Variants in TMEM150C observed in about 807,000 individuals in gnomAD.
The protein encoded by TMEM150C is transmembrane protein 150C, also known as tentonin 3.
A neutral mutation model predicts 29.9 loss-of-function variants in TMEM150C; 10 were observed. The observed-to-expected ratio is 0.33, with a 90% CI of 0.21 to 0.57. TMEM150C has a LOEUF of 0.57. Ranked by LOEUF, TMEM150C falls within the 20% of genes least tolerant of loss-of-function variation. The pLI, the probability that TMEM150C is intolerant of heterozygous loss-of-function variation, is 0.88. For synonymous variants in TMEM150C, 101 were observed against 112.5 expected (o/e 0.90, Z 0.64); for missense variants, 251 against 303.6 (o/e 0.83, Z 1.29).
At chr4:82,495,318 G>T in intron 6 of TMEM150C, 1 of 207,538 alleles carries the variant, frequency 4.8e-6, no homozygotes, top group Non-Finnish European at 9.6e-6. Context: ...GGCATTCCCC[G>T]TGGTCCCAGC....
chr4:82,487,815 CT>C (rs1723210229), intron 7 of TMEM150C, among the ~76,000 whole-genome samples: 1 of 151,928 alleles, frequency 6.6e-6, no homozygotes, highest in African/African-American at 2.4e-5. Flanking sequence ...ATATTTTATT[CT>C]TTCCCCCCCT....
chr4:82,549,254 T>A (rs1457825947), intron 1 of TMEM150C, among the ~76,000 whole-genome samples: 1 of 152,236 alleles, frequency 6.6e-6, no homozygotes, highest in Non-Finnish European at 1.5e-5. Flanking sequence ...AAATGTGGTA[T>A]ATATACTATG....
At chr4:82,524,533 G>GTAAT (rs532966138) in intron 1 of TMEM150C, among the ~76,000 whole-genome samples, 130 of 152,226 alleles carry the variant, frequency 8.5e-4, no homozygotes, top group Middle Eastern at 3.4e-3. Context: ...AATTACTCAA[G>GTAAT]TAATTGTCTT....
intron 1 of TMEM150C, among the ~76,000 whole-genome samples, chr4:82,541,177 G>T (rs1030731399): frequency 2.6e-5 from 4 of 152,060 alleles, no homozygotes; most frequent in African/African-American, 9.7e-5. Flanking sequence ...CCTTAGTAAG[G>T]ATAAGTTATA....
intron 1 of TMEM150C, among the ~76,000 whole-genome samples, chr4:82,520,941 CCTCT>C (rs1270938143): frequency 6.6e-6 from 1 of 152,194 alleles, no homozygotes; most frequent in Non-Finnish European, 1.5e-5. Context: ...ACCGTCCCTT[CCTCT>C]CTGACTTTAC....
chr4:82,518,270 C>G (rs1315805843), intron 1 of TMEM150C, among the ~76,000 whole-genome samples: 5 of 151,364 alleles, frequency 3.3e-5, no homozygotes, highest in Non-Finnish European at 7.4e-5. Flanking sequence ...GAGCCGAGAT[C>G]AAGCAACTCC....
intron 6 of TMEM150C, chr4:82,494,741 G>T (rs528563782): frequency 1.3e-5 from 3 of 237,040 alleles, no homozygotes; most frequent in Non-Finnish European, 2.5e-5. Flanking sequence ...TAGAAAGGCT[G>T]AACTCTGGAG....
chr4:82,505,877 T>G (rs1203448711), intron 1 of TMEM150C, among the ~76,000 whole-genome samples: 6 of 152,172 alleles, frequency 3.9e-5, no homozygotes, highest in Admixed American at 3.9e-4. Context: ...AACTATCACT[T>G]TATGCCTTAA....
chr4:82,500,942 A>G (rs571466167), intron 5 of TMEM150C, among the ~76,000 whole-genome samples: 1 of 152,336 alleles, frequency 6.6e-6, no homozygotes, highest in Admixed American at 6.5e-5. Flanking sequence ...TGTTCCTGGA[A>G]TAGAAATGAT....
At chr4:82,521,129 C>T (rs910863804) in intron 1 of TMEM150C, among the ~76,000 whole-genome samples, 1 of 152,184 alleles carries the variant, frequency 6.6e-6, no homozygotes, top group Non-Finnish European at 1.5e-5. Flanking sequence ...TTGGTGAGGC[C>T]TTCCCTGAGC....
rs1269220622 is a variant in TMEM150C, at chr4:82,483,907, C to T, written c.*1604G>A. 5.3e-5 allele frequency: 8 copies of T among 151,546 alleles called. No homozygotes were observed. Among genetic ancestry groups the T allele is most frequent in the African/African-American group, 1.7e-4 (7 of 41,160 alleles). 9.4% of individuals were successfully genotyped at this position (151,546 alleles called of 1,614,324 possible). A position where few individuals can be genotyped will look rare whatever the true frequency, so the allele number is the denominator to read the frequency against. On this transcript the variant is annotated 3_prime_UTR_variant, in exon 8 of 8. Coordinates refer to ENST00000449862, the MANE Select transcript of TMEM150C (RefSeq NM_001080506.3). ...CGGGTTCAAGTGATTCTCCTGCCTC[C>T]GCCTCCTGAGTAGCCGGGATTACAG...
intron 1 of TMEM150C, among the ~76,000 whole-genome samples, chr4:82,512,247 T>C (rs576346665): frequency 5.7e-4 from 87 of 152,146 alleles, no homozygotes; most frequent in Admixed American, 1.3e-4. Flanking sequence ...AGCCATAATG[T>C]AACCACGAGA....
intron 6 of TMEM150C, among the ~76,000 whole-genome samples, chr4:82,491,938 T>G (rs1048547976): frequency 5.6e-4 from 53 of 94,046 alleles, no homozygotes; most frequent in Non-Finnish European, 7.8e-4. Context: ...TAATTCTTGT[T>G]TTTTTTTTTG....
At chr4:82,548,725 A>G (rs1199914904) in intron 1 of TMEM150C, among the ~76,000 whole-genome samples, 1 of 152,210 alleles carries the variant, frequency 6.6e-6, no homozygotes, top group Non-Finnish European at 1.5e-5. Flanking sequence ...GAGGAAACTA[A>G]CCCAGCACTG....
intron 5 of TMEM150C, among the ~76,000 whole-genome samples, chr4:82,499,092 A>T (rs1723646575): frequency 6.6e-6 from 1 of 152,180 alleles, no homozygotes; most frequent in South Asian, 2.1e-4. Flanking sequence ...GATCTAATAA[A>T]AGATTCTGCC....
At chr4:82,523,246 C>T (rs1473769217) in intron 1 of TMEM150C, among the ~76,000 whole-genome samples, 1 of 152,000 alleles carries the variant, frequency 6.6e-6, no homozygotes, top group African/African-American at 2.4e-5. Flanking sequence ...GGGGGGTGCT[C>T]CAAAACCAAA....
At chr4:82,524,966 C>T (rs561592268) in intron 1 of TMEM150C, among the ~76,000 whole-genome samples, 10 of 152,190 alleles carry the variant, frequency 6.6e-5, no homozygotes, top group Middle Eastern at 3.4e-3. Context: ...GGATTTTTAC[C>T]GATGAGGAGG....
chr4:82,561,776 A>ACCCAGCCGC (rs995877298), intron 1 of TMEM150C, 130 bp downstream of exon 1: 9 of 670,472 alleles, frequency 1.3e-5, no homozygotes, highest in Middle Eastern at 7.1e-4. Flanking sequence ...AGCCGGGCGG[A>ACCCAGCCGC]CCCAGCCGCC....
At chr4:82,557,255 A>C (rs1445806917) in intron 1 of TMEM150C, among the ~76,000 whole-genome samples, 1 of 152,210 alleles carries the variant, frequency 6.6e-6, no homozygotes, top group Non-Finnish European at 1.5e-5. Flanking sequence ...TGGATTTGGT[A>C]ATCTCCACAG....
Sources: gnomAD v4.1 joint callset for allele counts (sites outside exome capture counted in the v4.1 genomes callset) on GRCh38, gnomAD v4.1.1 for gene constraint, MANE v1.5 for transcripts, NCBI Gene and HGNC (gene_info 2026-07-23, HGNC 2026-07-21) for gene names.